CENPO: variants seen among roughly 807,000 people sequenced by gnomAD.
CENPO encodes the protein centromere protein O, also known as centromeric protein O.
In CENPO, 30 loss-of-function variants were observed where a neutral mutation model predicts 36.1. The observed-to-expected ratio is 0.83, with a 90% confidence interval of 0.62 to 1.13. The LOEUF is 1.13. Ranked by LOEUF, CENPO falls within the 50% of genes most tolerant of loss-of-function variation. The pLI, the probability that CENPO is intolerant of heterozygous loss-of-function variation, is 0.00. For missense variants in CENPO, 349 were observed against 357.8 expected, an observed-to-expected ratio of 0.98 and a Z score of 0.20; for synonymous variants, 171 against 142.3, an observed-to-expected ratio of 1.20 and a Z score of -1.44.
chr2:24,794,008 A>G, intron 2 of CENPO, 43 bp downstream of exon 2: 2 of 1,480,116 alleles, frequency 1.4e-6, no homozygotes, highest in Non-Finnish European at 1.9e-6. Flanking sequence ...CTGCCCAAAG[A>G]TGACCCGCAG....
At chr2:24,816,494 G>A (rs747567340) in intron 5 of CENPO, 152 bp from the exon 6 acceptor site, 2 of 633,710 alleles carry the variant, frequency 3.2e-6, no homozygotes, top group Non-Finnish European at 5.4e-6. Flanking sequence ...TTTTTCATTA[G>A]TCCTTTTTTC....
intron 2 of CENPO, among the ~76,000 whole-genome samples, chr2:24,795,595 G>C (rs1160609085): frequency 1.3e-5 from 2 of 152,170 alleles, no homozygotes; most frequent in African/African-American, 4.8e-5. Flanking sequence ...CCTAGAGAAG[G>C]AGCAGCATGA....
intron 3 of CENPO, among the ~76,000 whole-genome samples, chr2:24,811,637 A>G (rs766143689): frequency 6.6e-6 from 1 of 151,772 alleles, no homozygotes; most frequent in Non-Finnish European, 1.5e-5. Flanking sequence ...AGTTTTTTGT[A>G]TTTTTAGTAG....
At chr2:24,799,346 T>G (rs1400192616) in intron 2 of CENPO, among the ~76,000 whole-genome samples, 1 of 152,054 alleles carries the variant, frequency 6.6e-6, no homozygotes, top group African/African-American at 2.4e-5. Flanking sequence ...AATCATCCTT[T>G]ACACACTAGA....
intron 3 of CENPO, among the ~76,000 whole-genome samples, chr2:24,809,253 G>T (rs1666569628): frequency 6.6e-6 from 1 of 151,902 alleles, no homozygotes; most frequent in African/African-American, 2.4e-5. Flanking sequence ...GATCAGTCTT[G>T]GTGTGTTTTA....
Position 24,815,772 on chromosome 2 carries a change from G to A in CENPO, c.594+16G>A, listed in dbSNP as rs767176362. 5.0e-5 allele frequency: 81 copies of A among 1,611,744 alleles called. No individual in the cohort carries two copies. The highest frequency in any genetic ancestry group is 5.1e-5 in the Non-Finnish European group (60 of 1,178,064). On this transcript the variant is annotated intron_variant, in intron 5 of 7. Coordinates refer to ENST00000380834, the MANE Select transcript of CENPO (RefSeq NM_001322101.2). The stretch of plus-strand genomic sequence containing the variant: ...CCGGCTTCAGGTATCTCTCTGGGAT[G>A]TTATATGCCTCATCCGTGGGCCCAA...
rs1189400413 is a variant in CENPO at position 24,817,479 on chromosome 2, T to C, written c.767-191T>C. 4.3e-4 allele frequency among the ~76,000 whole-genome samples: 12 copies of C among 28,140 alleles called. 1 individual carries two copies. The highest frequency in any genetic ancestry group is 4.0e-4 in the Non-Finnish European group (4 of 10,022). The allele number at this position is 28,140 out of a possible 152,430, so 18.5% of individuals were successfully genotyped here. On this transcript the variant is annotated intron_variant, in intron 6 of 7. Coordinates refer to ENST00000380834, the MANE Select transcript of CENPO (RefSeq NM_001322101.2). ...CTTAGTCCAGACCAAAAAAAAAAGC[T>C]GTATGGGTCCAGTGGGTCCAGAATA...
rs759478590 is a variant in CENPO, at chr2:24,799,816, G to A, written c.188G>A (p.Arg63Lys). 1 of 1,613,528 alleles carries A rather than the reference G, an allele frequency of 6.2e-7. No individual in the cohort carries two copies. The highest frequency in any genetic ancestry group is 1.7e-5 in the Admixed American group (1 of 60,014). The change falls in exon 3 of 8, where the codon AGG (arginine) becomes AAG (lysine). Residue 63 changes from arginine to lysine, a missense_variant. Physicochemically the swap from Arg to Lys is conservative, Grantham distance 26. Transcript: ENST00000380834. ...HKLRRLRDEL[R>K]AVVRHRRASV... ...CTAAGGCGTCTGCGAGATGAGCTGAGGGCTGTGGTGCGGCACCGGCGAGCC... is the reference window on the plus strand; with the variant it reads ...CTAAGGCGTCTGCGAGATGAGCTGAAGGCTGTGGTGCGGCACCGGCGAGCC...
chr2:24,821,037 G>T lies in CENPO; in HGVS notation c.*1719G>T. 1 of 760,928 alleles carries T rather than the reference G, an allele frequency of 1.3e-6. No individual in the cohort carries two copies. The highest frequency in any genetic ancestry group is 2.0e-6 in the Non-Finnish European group (1 of 499,818). 47.1% of individuals were successfully genotyped at this position (760,928 alleles called of 1,614,324 possible). A position where few individuals can be genotyped will look rare whatever the true frequency, so the allele number is the denominator to read the frequency against. ...CTGTTTATCCGTGTGCTTGTTAGGTGTCAGCCGCCACCCCCCCCCCATATG... is the reference window on the plus strand; with the variant it reads ...CTGTTTATCCGTGTGCTTGTTAGGTTTCAGCCGCCACCCCCCCCCCATATG... On this transcript the variant is annotated 3_prime_UTR_variant, in exon 8 of 8. Coordinates refer to ENST00000380834, the MANE Select transcript of CENPO (RefSeq NM_001322101.2).
At chr2:24,818,253 G>A (rs981956948) in intron 7 of CENPO, among the ~76,000 whole-genome samples, 2 of 152,104 alleles carry the variant, frequency 1.3e-5, no homozygotes, top group African/African-American at 4.8e-5. Context: ...TTTTCAGAAA[G>A]GGCTCTCACA....
At chr2:24,794,757 T>C (rs763717907) in intron 2 of CENPO, among the ~76,000 whole-genome samples, 71 of 152,250 alleles carry the variant, frequency 4.7e-4, no homozygotes, top group Non-Finnish European at 9.8e-4. Flanking sequence ...AGTTCTGGTT[T>C]TGTGTGACTT....
intron 2 of CENPO, among the ~76,000 whole-genome samples, chr2:24,796,217 C>T (rs554405513): frequency 7.2e-5 from 11 of 152,114 alleles, no homozygotes; most frequent in Non-Finnish European, 1.0e-4. Flanking sequence ...AGCCGGGCAT[C>T]GTGGTGCATG....
At chr2:24,818,989 T>C (rs757398590) in intron 7 of CENPO, among the ~76,000 whole-genome samples, 7 of 152,196 alleles carry the variant, frequency 4.6e-5, no homozygotes, top group Non-Finnish European at 8.8e-5. Flanking sequence ...GAGTACCCTT[T>C]AGAAGAAAGT....
Position 24,820,224 on chromosome 2 carries a change from A to T in CENPO, c.*906A>T. 1 of 1,198,886 alleles carries T rather than the reference A, an allele frequency of 8.3e-7. No individual in the cohort carries two copies. The allele number at this position is 1,198,886 out of a possible 1,614,324, so 74.3% of individuals were successfully genotyped here. On this transcript the variant is annotated 3_prime_UTR_variant, in exon 8 of 8. Coordinates refer to ENST00000380834, the MANE Select transcript of CENPO (RefSeq NM_001322101.2). ...GAGCACTGATCCATGGGTCCCAAGC[A>T]GTACGGGACACTCCCCAAACCTCCC...
intron 3 of CENPO, among the ~76,000 whole-genome samples, chr2:24,807,267 C>A (rs1666448428): frequency 6.6e-6 from 1 of 151,990 alleles, no homozygotes; most frequent in Non-Finnish European, 1.5e-5. Flanking sequence ...CAGTTTGCCT[C>A]TTCCTAGTCT....
At chr2:24,807,226 G>T (rs1558375367) in intron 3 of CENPO, among the ~76,000 whole-genome samples, 1 of 151,826 alleles carries the variant, frequency 6.6e-6, no homozygotes, top group Non-Finnish European at 1.5e-5. Context: ...AGAGATTAAA[G>T]TATAGAGCAT....
At chr2:24,805,682 G>A (rs1024886159) in intron 3 of CENPO, among the ~76,000 whole-genome samples, 4 of 152,188 alleles carry the variant, frequency 2.6e-5, no homozygotes, top group African/African-American at 9.7e-5. Flanking sequence ...TCGTTCCTCT[G>A]GAAGTTTTGT....
intron 3 of CENPO, among the ~76,000 whole-genome samples, chr2:24,805,617 G>A (rs12713396): frequency 0.43 from 65,599 of 152,094 alleles, 15,847 homozygotes; most frequent in East Asian, 0.59. Flanking sequence ...CTGGGTATCA[G>A]CAGCGGAGGT....
At chr2:24,794,965 A>C (rs1665826018) in intron 2 of CENPO, among the ~76,000 whole-genome samples, 1 of 152,236 alleles carries the variant, frequency 6.6e-6, no homozygotes, top group South Asian at 2.1e-4. Context: ...ATTATCATTG[A>C]TAACAGAGAA....
Sources: gnomAD v4.1 joint callset for allele counts (sites outside exome capture counted in the v4.1 genomes callset) on GRCh38, gnomAD v4.1.1 for gene constraint, MANE v1.5 for transcripts, NCBI Gene and HGNC (gene_info 2026-07-23, HGNC 2026-07-21) for gene names.